NRCAM: variants seen among roughly 807,000 people sequenced by gnomAD.
The protein encoded by NRCAM is neuronal cell adhesion molecule.
Under a neutral mutation model 156.5 loss-of-function variants are expected in NRCAM, and 83 were observed. That is an observed-to-expected ratio of 0.53 (90% confidence interval 0.44 to 0.64). NRCAM has a LOEUF of 0.64. Among genes scored for constraint, NRCAM ranks in the 30% least tolerant of loss-of-function variants. NRCAM has a pLI of 0.00. For synonymous variants in NRCAM, 538 were observed against 563.9 expected (o/e 0.95, Z 0.65); for missense variants, 1,417 against 1,597.3 (o/e 0.89, Z 1.92).
intron 13 of NRCAM, among the ~76,000 whole-genome samples, chr7:108,206,969 G>C (rs997555907): frequency 6.6e-6 from 1 of 152,156 alleles, no homozygotes; most frequent in African/African-American, 2.4e-5. Flanking sequence ...CTAGTCAAAG[G>C]TAAAGCATCC....
intron 2 of NRCAM, among the ~76,000 whole-genome samples, chr7:108,392,130 T>G (rs925113227): frequency 1.3e-5 from 2 of 152,210 alleles, no homozygotes; most frequent in Non-Finnish European, 2.9e-5. Context: ...TGCCTTGCTA[T>G]GTTGGGGAAG....
At chr7:108,249,399 A>G (rs79075801) in intron 3 of NRCAM, among the ~76,000 whole-genome samples, 2,684 of 152,372 alleles carry the variant, frequency 0.018, 78 homozygotes, top group African/African-American at 0.062. Context: ...ACTTGCTGAC[A>G]TGCATGTTGT....
At chr7:108,298,107 T>A (rs901521053) in intron 3 of NRCAM, among the ~76,000 whole-genome samples, 35 of 152,264 alleles carry the variant, frequency 2.3e-4, no homozygotes, top group African/African-American at 7.5e-4. Context: ...CACTTTATAA[T>A]CTGGAGATCA....
At chr7:108,161,480 T>A (rs2048941147) in intron 30 of NRCAM, among the ~76,000 whole-genome samples, 1 of 152,252 alleles carries the variant, frequency 6.6e-6, no homozygotes, top group African/African-American at 2.4e-5. Flanking sequence ...TTAACTAGTA[T>A]AAATTCTTTT....
At chr7:108,240,401 T>C (rs550763577) in intron 3 of NRCAM, among the ~76,000 whole-genome samples, 1 of 152,268 alleles carries the variant, frequency 6.6e-6, no homozygotes, top group Admixed American at 6.5e-5. Flanking sequence ...CTACCATCCT[T>C]ATGATTTTTC....
At chr7:108,154,570 T>C (rs1334085682) in intron 32 of NRCAM, among the ~76,000 whole-genome samples, 1 of 152,130 alleles carries the variant, frequency 6.6e-6, no homozygotes, top group African/African-American at 2.4e-5. Context: ...ACACGGGCTG[T>C]GCTTGAAAGA....
At chr7:108,273,804 T>C (rs2154060721) in intron 3 of NRCAM, among the ~76,000 whole-genome samples, 1 of 152,368 alleles carries the variant, frequency 6.6e-6, no homozygotes, top group East Asian at 1.9e-4. Flanking sequence ...GTTTTAGTTA[T>C]GAAGTCTTTG....
chr7:108,226,390 C>T lies in NRCAM; in HGVS notation c.551-12G>A. 2 of 1,604,386 alleles carry T rather than the reference C, an allele frequency of 1.2e-6. No individual in the cohort carries two copies. Among genetic ancestry groups the T allele is most frequent in the African/African-American group, 2.7e-5 (2 of 74,646 alleles). On this transcript the variant is annotated splice_polypyrimidine_tract_variant and intron_variant, in intron 8 of 32. Coordinates refer to ENST00000379028, the MANE Select transcript of NRCAM (RefSeq NM_001037132.4). The stretch of plus-strand genomic sequence containing the variant: ...AAGTCTTTGAAAGGCTGGAGAAAGG[C>T]AGAGAGATATCAAGATTATTCCATC...
chr7:108,150,266 A>G (rs1584902273), intron 32 of NRCAM, 119 bp from the exon 33 acceptor site: 2 of 813,596 alleles, frequency 2.5e-6, no homozygotes, highest in Non-Finnish European at 4.0e-6. Context: ...CTCTGGCCAA[A>G]TCTAATTTTC....
intron 2 of NRCAM, among the ~76,000 whole-genome samples, chr7:108,332,579 T>C (rs941175101): frequency 6.6e-6 from 1 of 152,294 alleles, no homozygotes; most frequent in Non-Finnish European, 1.5e-5. Context: ...TTGTGACAAC[T>C]AAGAACGATT....
At chr7:108,234,844 TTCTGCTAAAGG>T (rs772085456) in intron 5 of NRCAM, 156 bp from the exon 6 acceptor site, 1 of 764,476 alleles carries the variant, frequency 1.3e-6, no homozygotes, top group East Asian at 2.4e-5. Context: ...CAGTAGATTT[TTCTGCTAAAGG>T]TCTGCTAAAA....
At chr7:108,210,333 G>A (rs564942896) in intron 11 of NRCAM, among the ~76,000 whole-genome samples, 8 of 151,386 alleles carry the variant, frequency 5.3e-5, no homozygotes, top group Admixed American at 2.6e-4. Context: ...TGCAAGCTCC[G>A]CCTCCCAGGT....
chr7:108,272,697 A>G (rs1024039518), intron 3 of NRCAM, among the ~76,000 whole-genome samples: 11 of 151,958 alleles, frequency 7.2e-5, no homozygotes, highest in African/African-American at 2.4e-4. Context: ...ATATATTTAT[A>G]TATCATGTTA....
chr7:108,252,330 A>C (rs1354983755), intron 3 of NRCAM, among the ~76,000 whole-genome samples: 2 of 152,222 alleles, frequency 1.3e-5, no homozygotes, highest in African/African-American at 2.4e-5. Context: ...ATGTCCAGTT[A>C]GTCTGTCTGA....
intron 2 of NRCAM, among the ~76,000 whole-genome samples, chr7:108,325,501 T>C (rs2099058431): frequency 6.6e-6 from 1 of 152,142 alleles, no homozygotes; most frequent in Non-Finnish European, 1.5e-5. Context: ...GTATCTACGT[T>C]GCTTTCCCCC....
intron 3 of NRCAM, among the ~76,000 whole-genome samples, chr7:108,250,910 TA>T (rs1052947715): frequency 6.6e-6 from 1 of 152,066 alleles, no homozygotes; most frequent in Non-Finnish European, 1.5e-5. Flanking sequence ...AAATTAAAAT[TA>T]AAAAAATTTT....
intron 20 of NRCAM, among the ~76,000 whole-genome samples, chr7:108,187,848 G>A (rs910801519): frequency 7.2e-5 from 11 of 152,156 alleles, no homozygotes; most frequent in African/African-American, 2.4e-4. Context: ...CCAGCTACTC[G>A]GGAAGCTGAG....
At chr7:108,365,804 C>A (rs2099588153) in intron 2 of NRCAM, among the ~76,000 whole-genome samples, 1 of 150,350 alleles carries the variant, frequency 6.7e-6, no homozygotes, top group Non-Finnish European at 1.5e-5. Context: ...AAAAATATGC[C>A]TTTTTGGTTA....
chr7:108,234,245 C>T (rs917495921), intron 6 of NRCAM, among the ~76,000 whole-genome samples: 1 of 152,050 alleles, frequency 6.6e-6, no homozygotes, highest in South Asian at 2.1e-4. Context: ...AAGCATTTTG[C>T]AGAAAAGCAT....
Sources: allele counts gnomAD v4.1 joint callset (sites outside exome capture counted in the v4.1 genomes callset), GRCh38; gene constraint gnomAD v4.1.1; transcripts MANE v1.5; gene names NCBI Gene and HGNC (gene_info 2026-07-23, HGNC 2026-07-21).